PANX1: variants seen among roughly 807,000 people sequenced by gnomAD.
The protein encoded by PANX1 is pannexin-1.
PANX1 carries 30 observed loss-of-function variants against 38.7 expected under a neutral mutation model. That is an observed-to-expected ratio of 0.78 (90% CI 0.58 to 1.05). The LOEUF is 1.05. Among genes scored for constraint, PANX1 ranks in the 50% least tolerant of loss-of-function variants. The pLI is 0.00. For synonymous variants in PANX1, 230 were observed against 212.2 expected, an observed-to-expected ratio of 1.08 and a Z score of -0.73; for missense variants, 551 against 517.2, an observed-to-expected ratio of 1.07 and a Z score of -0.63.
intron 4 of PANX1, 139 bp downstream of exon 4, chr11:94,180,396 G>T (rs2134529830): frequency 1.4e-6 from 1 of 692,018 alleles, no homozygotes; most frequent in Non-Finnish European, 2.4e-6. Context: ...CAAGGTGCGG[G>T]GTAGGGGGAG....
chr11:94,156,997 G>T (rs1382960708), intron 2 of PANX1, among the ~76,000 whole-genome samples: 1 of 151,788 alleles, frequency 6.6e-6, no homozygotes, highest in Non-Finnish European at 1.5e-5. Context: ...TTGTCCTTGC[G>T]ATACTTTGCT....
chr11:94,148,927 T>C (rs1348767657), intron 1 of PANX1, among the ~76,000 whole-genome samples: 3 of 152,132 alleles, frequency 2.0e-5, no homozygotes, highest in Non-Finnish European at 4.4e-5. Flanking sequence ...TTTCACCTCC[T>C]CTTTCTTGTG....
At chr11:94,139,284 A>G (rs1011587435) in intron 1 of PANX1, among the ~76,000 whole-genome samples, 2 of 152,206 alleles carry the variant, frequency 1.3e-5, no homozygotes, top group Non-Finnish European at 2.9e-5. Flanking sequence ...AAGCTCAGCA[A>G]TCTAAGTGAG....
At chr11:94,149,511 C>G (rs1230778078) in intron 1 of PANX1, among the ~76,000 whole-genome samples, 3 of 152,148 alleles carry the variant, frequency 2.0e-5, no homozygotes, top group Admixed American at 2.0e-4. Context: ...CACGTTTTCT[C>G]CTGGTGATCT....
chr11:94,143,882 G>T (rs1166802355), intron 1 of PANX1, among the ~76,000 whole-genome samples: 1 of 151,936 alleles, frequency 6.6e-6, no homozygotes, highest in Non-Finnish European at 1.5e-5. Context: ...CCATGTAGGT[G>T]GGACCACAGG....
chr11:94,179,656 G>A lies in PANX1; in HGVS notation c.600G>A (p.Leu200=), dbSNP rs374632686. The A allele has an allele frequency of 5.0e-6, 8 of 1,613,422 alleles. No homozygotes were observed. In the Admixed American group the frequency reaches 5.0e-5, roughly 10 times the overall value. ...AGTACCCAATTGTGGAGCAGTACTT[G>A]AAGACAAAGAAAAATTCTAATAATT... ...HFKYPIVEQY[L]KTKKNSNNLI... is the part of the protein sequence containing the mutation. The change falls in exon 4 of 5, where the codon TTG becomes TTA. Residue 200 remains leucine (L), a synonymous_variant. Coordinates refer to ENST00000227638, the MANE Select transcript of PANX1 (RefSeq NM_015368.4).
At chr11:94,132,841 A>G (rs1436779578) in intron 1 of PANX1, among the ~76,000 whole-genome samples, 1 of 152,234 alleles carries the variant, frequency 6.6e-6, no homozygotes, top group Non-Finnish European at 1.5e-5. Flanking sequence ...TCCTTTAAAT[A>G]AATGATTTTT....
At chr11:94,143,139 C>G (rs1009591683) in intron 1 of PANX1, among the ~76,000 whole-genome samples, 4 of 152,168 alleles carry the variant, frequency 2.6e-5, no homozygotes, top group African/African-American at 7.2e-5. Flanking sequence ...ACACTCAAGG[C>G]CTTGTCCTAC....
chr11:94,148,389 G>A (rs747193711), intron 1 of PANX1, among the ~76,000 whole-genome samples: 35 of 152,250 alleles, frequency 2.3e-4, no homozygotes, highest in South Asian at 8.3e-4. Context: ...AATACCCTTC[G>A]GGGCAAACGT....
intron 1 of PANX1, among the ~76,000 whole-genome samples, chr11:94,139,807 C>G (rs914624782): frequency 1.3e-5 from 2 of 152,362 alleles, no homozygotes; most frequent in Middle Eastern, 3.4e-3. Context: ...AGCTCCTTCA[C>G]TCAGGACCCT....
At chr11:94,132,816 CTT>C (rs943609830) in intron 1 of PANX1, among the ~76,000 whole-genome samples, 1 of 151,964 alleles carries the variant, frequency 6.6e-6, no homozygotes, top group African/African-American at 2.4e-5. Flanking sequence ...CAAGTTGAAA[CTT>C]TGTGGCGATT....
chr11:94,166,220 G>A (rs1002265727), intron 2 of PANX1, among the ~76,000 whole-genome samples: 1 of 152,138 alleles, frequency 6.6e-6, no homozygotes, highest in African/African-American at 2.4e-5. Flanking sequence ...AGAGTATTCT[G>A]TATTTGTCTG....
In PANX1 at chr11:94,129,333, C is replaced by T; in HGVS notation, c.21C>T (p.Ala7=). Residue 7 remains alanine, a synonymous_variant, in exon 1 of 5, where the codon GCC becomes GCT. Coordinates refer to ENST00000227638, the MANE Select transcript of PANX1 (RefSeq NM_015368.4). ...CAGCCATGGCCATCGCTCAACTGGCCACGGAGTACGTGTTCTCGGATTTCT... is the reference window on the plus strand; with the variant it reads ...CAGCCATGGCCATCGCTCAACTGGCTACGGAGTACGTGTTCTCGGATTTCT... MAIAQL[A]TEYVFSDFLL... is the part of the protein sequence containing the mutation. The T allele has an allele frequency of 1.2e-6, 2 of 1,612,348 alleles. No homozygotes were observed. Among genetic ancestry groups the T allele is most frequent in the Non-Finnish European group, 1.7e-6 (2 of 1,178,748 alleles).
At chr11:94,129,837 A>G (rs749927232) in intron 1 of PANX1, among the ~76,000 whole-genome samples, 29 of 152,156 alleles carry the variant, frequency 1.9e-4, no homozygotes, top group African/African-American at 7.0e-4. Flanking sequence ...TGTCTCCTAC[A>G]TATTTGTCCA....
chr11:94,138,949 A>T (rs766391755), intron 1 of PANX1, among the ~76,000 whole-genome samples: 3 of 152,110 alleles, frequency 2.0e-5, no homozygotes, highest in Non-Finnish European at 4.4e-5. Flanking sequence ...ATCTTTAATG[A>T]TTTTATTTGA....
rs1947280698 is a variant in PANX1, at chr11:94,179,722, CATT to C, written c.669_671del (p.Ile224del). ...TTAGCTGCCGCCTGCTGACACTCAT[CATT>C]ATACTGTTAGCGTGTATCTACCTGG... On this transcript the variant is annotated inframe_deletion, in exon 4 of 5. Transcript: ENST00000227638. 2 of 1,613,842 alleles carry C rather than the reference CATT, an allele frequency of 1.2e-6. No individual in the cohort carries two copies. The highest frequency in any genetic ancestry group is 1.7e-5 in the Admixed American group (1 of 59,992).
intron 2 of PANX1, among the ~76,000 whole-genome samples, chr11:94,160,111 G>C (rs181777167): frequency 1.3e-5 from 2 of 151,970 alleles, no homozygotes; most frequent in East Asian, 3.9e-4. Flanking sequence ...TATAATTTCT[G>C]TTCTTTTATA....
intron 2 of PANX1, among the ~76,000 whole-genome samples, chr11:94,177,771 C>T (rs1287318972): frequency 6.6e-6 from 1 of 151,940 alleles, no homozygotes; most frequent in Admixed American, 6.6e-5. Context: ...TCCAACTATA[C>T]GATGAGGGTG....
chr11:94,139,088 T>C (rs1946732636), intron 1 of PANX1, among the ~76,000 whole-genome samples: 1 of 152,242 alleles, frequency 6.6e-6, no homozygotes, highest in East Asian at 1.9e-4. Context: ...TTCCCAATCA[T>C]ATAGTCAACT....
Sources: gnomAD v4.1 joint callset for allele counts (sites outside exome capture counted in the v4.1 genomes callset) on GRCh38, gnomAD v4.1.1 for gene constraint, MANE v1.5 for transcripts, NCBI Gene and HGNC (gene_info 2026-07-23, HGNC 2026-07-21) for gene names.